The following BCL2 variants were observed in gnomAD, a reference collection of about 807,000 sequenced individuals.
BCL2 encodes apoptosis regulator Bcl-2.
BCL2 carries 1 observed loss-of-function variant against 14.2 expected under a neutral mutation model. That is an observed-to-expected ratio of 0.07 (90% confidence interval 0.02 to 0.33). BCL2 has a LOEUF of 0.33. Among genes scored for constraint, BCL2 ranks in the 10% least tolerant of loss-of-function variants. BCL2 has a pLI of 0.99. For missense variants in BCL2, 247 were observed against 305.9 expected, an observed-to-expected ratio of 0.81 and a Z score of 1.44; for synonymous variants, 151 against 137.2, an observed-to-expected ratio of 1.10 and a Z score of -0.70.
intron 2 of BCL2, among the ~76,000 whole-genome samples, chr18:63,239,131 C>T (rs2144189418): frequency 6.6e-6 from 1 of 152,302 alleles, no homozygotes; most frequent in East Asian, 1.9e-4. Context: ...TTTATCCATC[C>T]AAATATTATG....
At chr18:63,140,916 C>T (rs772531061) in intron 2 of BCL2, among the ~76,000 whole-genome samples, 1 of 152,126 alleles carries the variant, frequency 6.6e-6, no homozygotes, top group African/African-American at 2.4e-5. Context: ...GATGGATCCT[C>T]GGCTCACAAG....
intron 2 of BCL2, among the ~76,000 whole-genome samples, chr18:63,284,798 G>A (rs1198552739): frequency 6.6e-6 from 1 of 150,438 alleles, no homozygotes; most frequent in East Asian, 1.9e-4. Context: ...AGGGGTGGGG[G>A]GTTTGGACGG....
intron 2 of BCL2, among the ~76,000 whole-genome samples, chr18:63,298,912 G>C (rs887812050): frequency 1.2e-4 from 18 of 152,114 alleles, no homozygotes; most frequent in Non-Finnish European, 1.6e-4. Context: ...TTCCTGGAAG[G>C]CTCAAAAGCT....
chr18:63,244,115 C>T (rs1911088505), intron 2 of BCL2, among the ~76,000 whole-genome samples: 1 of 152,160 alleles, frequency 6.6e-6, no homozygotes, highest in Non-Finnish European at 1.5e-5. Context: ...CACAGTGGCT[C>T]ATGCTTGTAA....
chr18:63,244,583 G>A (rs112262231), intron 2 of BCL2, among the ~76,000 whole-genome samples: 7 of 152,062 alleles, frequency 4.6e-5, no homozygotes, highest in Non-Finnish European at 7.4e-5. Context: ...CAGAAGTTTC[G>A]TTTGGCAGAG....
At chr18:63,286,506 C>T (rs1259884227) in intron 2 of BCL2, among the ~76,000 whole-genome samples, 4 of 151,776 alleles carry the variant, frequency 2.6e-5, no homozygotes, top group East Asian at 1.9e-4. Flanking sequence ...GGAGTAGGGG[C>T]GAGGATTGGG....
chr18:63,224,446 G>A (rs1568239264), intron 2 of BCL2, among the ~76,000 whole-genome samples: 1 of 152,224 alleles, frequency 6.6e-6, no homozygotes, highest in Non-Finnish European at 1.5e-5. Context: ...TCAAGAATCA[G>A]AACAGTGGCA....
chr18:63,281,541 C>T (rs1912308324), intron 2 of BCL2, among the ~76,000 whole-genome samples: 1 of 151,822 alleles, frequency 6.6e-6, no homozygotes, highest in African/African-American at 2.4e-5. Flanking sequence ...GTGGCACGTG[C>T]CTGTAGTCTC....
chr18:63,193,631 A>C (rs1599235853), intron 2 of BCL2, among the ~76,000 whole-genome samples: 2 of 149,556 alleles, frequency 1.3e-5, no homozygotes, highest in East Asian at 2.0e-4. Context: ...CACACATACA[A>C]ATACACACAC....
rs552223520 is a variant in BCL2, at chr18:63,305,775, T to A, written c.585+12307A>T. ...TTTTTAAAAGTGAAATAAGAAAAAA[T>A]ATATATTTGTATAAGGTCAGGTGAG... On this transcript the variant is annotated intron_variant, in intron 2 of 2. Coordinates refer to ENST00000333681, the MANE Select transcript of BCL2 (RefSeq NM_000633.3). Among the ~76,000 whole-genome samples the A allele has an allele frequency of 3.1e-4, 47 of 152,124 alleles. 2 individuals are homozygous for A. The South Asian group carries it at 6.8e-3, about 22-fold the overall frequency.
chr18:63,169,630 C>T (rs1039155682), intron 2 of BCL2, among the ~76,000 whole-genome samples: 4 of 151,664 alleles, frequency 2.6e-5, no homozygotes, highest in Non-Finnish European at 5.9e-5. Flanking sequence ...TCAAGCAATT[C>T]TCCTGCTCTA....
intron 2 of BCL2, among the ~76,000 whole-genome samples, chr18:63,248,532 C>T (rs1911215444): frequency 6.6e-6 from 1 of 152,200 alleles, no homozygotes; most frequent in African/African-American, 2.4e-5. Context: ...ATGAAACTTC[C>T]CATTGGTTTA....
intron 2 of BCL2, among the ~76,000 whole-genome samples, chr18:63,154,497 C>T (rs1008636142): frequency 4.6e-5 from 7 of 152,198 alleles, no homozygotes; most frequent in African/African-American, 1.7e-4. Context: ...AGACTCCCCT[C>T]TCCCCACACC....
At chr18:63,280,257 C>A (rs527937039) in intron 2 of BCL2, among the ~76,000 whole-genome samples, 1 of 152,064 alleles carries the variant, frequency 6.6e-6, no homozygotes, top group South Asian at 2.1e-4. Flanking sequence ...AATTGTATGA[C>A]CTTGAATGAG....
chr18:63,302,700 G>A, intron 2 of BCL2: 1 of 985,052 alleles, frequency 1.0e-6, no homozygotes, highest in Non-Finnish European at 1.2e-6. Flanking sequence ...ATAAATAAAT[G>A]AGAAAGTAGG....
chr18:63,251,450 C>T (rs984063996), intron 2 of BCL2, among the ~76,000 whole-genome samples: 15 of 151,784 alleles, frequency 9.9e-5, no homozygotes, highest in African/African-American at 3.4e-4. Flanking sequence ...GAGACCATCC[C>T]GGCTAACACG....
intron 2 of BCL2, among the ~76,000 whole-genome samples, chr18:63,281,202 C>A (rs1374293129): frequency 6.6e-6 from 1 of 151,978 alleles, no homozygotes; most frequent in Admixed American, 6.6e-5. Flanking sequence ...TTGAACAGAT[C>A]CTGAGTTTCT....
intron 2 of BCL2, among the ~76,000 whole-genome samples, chr18:63,250,600 T>G (rs4987752): frequency 0.087 from 13,213 of 152,298 alleles, 634 homozygotes; most frequent in South Asian, 0.16. Context: ...TCTCCAGGGA[T>G]AGACAATTGA....
rs111835979 is a variant in BCL2 at position 63,270,822 on chromosome 18, A to AG, written c.585+47259dup. Among the ~76,000 whole-genome samples, 334 of 150,002 alleles carry AG rather than the reference A, an allele frequency of 2.2e-3. 2 individuals carry two copies. The highest frequency in any genetic ancestry group is 5.4e-3 in the African/African-American group (218 of 40,192). On this transcript the variant is annotated intron_variant, in intron 2 of 2. Transcript: ENST00000333681. ...GTATTATCATTTAATAAGAACTTGAAGAATTTTTTTTTTTTGAGACAGTCT... is the reference window on the plus strand; with the variant it reads ...GTATTATCATTTAATAAGAACTTGAAGGAATTTTTTTTTTTTGAGACAGTCT...
Sources: allele counts gnomAD v4.1 joint callset (sites outside exome capture counted in the v4.1 genomes callset), GRCh38; gene constraint gnomAD v4.1.1; transcripts MANE v1.5; gene names NCBI Gene and HGNC (gene_info 2026-07-23, HGNC 2026-07-21).